MGAT5: variants seen among roughly 807,000 people sequenced by gnomAD.
MGAT5 encodes alpha-1,6-mannosylglycoprotein 6-beta-N-acetylglucosaminyltransferase.
Under a neutral mutation model 94.3 loss-of-function variants are expected in MGAT5, and 30 were observed. The observed-to-expected ratio is 0.32, with a 90% confidence interval of 0.24 to 0.43. MGAT5 has a LOEUF of 0.43. MGAT5 is among the 20% of genes least tolerant of loss of function. MGAT5 has a pLI of 1.00. For missense variants in MGAT5, 691 were observed against 905.5 expected (o/e 0.76, Z 3.04); for synonymous variants, 310 against 322.9 (o/e 0.96, Z 0.43).
At chr2:134,357,793 T>A (rs1039893848) in intron 9 of MGAT5, among the ~76,000 whole-genome samples, 5 of 151,982 alleles carry the variant, frequency 3.3e-5, no homozygotes, top group Admixed American at 6.6e-5. Flanking sequence ...TAGGCGCTCA[T>A]CTTCTCAGCT....
intron 8 of MGAT5, among the ~76,000 whole-genome samples, chr2:134,346,911 T>C (rs1688951525): frequency 6.6e-6 from 1 of 152,136 alleles, no homozygotes; most frequent in African/African-American, 2.4e-5. Context: ...AATTAGGGCA[T>C]GGCAAGGAGC....
rs79176867 is a variant in MGAT5 at position 134,156,711 on chromosome 2, G to A, written c.-143+36420G>A. Among the ~76,000 whole-genome samples, 502 of 152,256 alleles carry A rather than the reference G, an allele frequency of 3.3e-3. 1 individual carries two copies. The highest frequency in any genetic ancestry group is 0.012 in the African/African-American group (485 of 41,546). On this transcript the variant is annotated intron_variant, in intron 1 of 16. Coordinates refer to the MGAT5 transcript ENST00000409645. Reference sequence around the variant, plus strand: ...AGCTCTCAGGTTTACCAGTAGCCCCGGAACAAGTAGTCCGTTTCGAGGGCT... The same window carrying A: ...AGCTCTCAGGTTTACCAGTAGCCCCAGAACAAGTAGTCCGTTTCGAGGGCT...
intron 1 of MGAT5, among the ~76,000 whole-genome samples, chr2:134,172,344 T>C (rs16830149): frequency 0.25 from 38,547 of 151,920 alleles, 5,337 homozygotes; most frequent in African/African-American, 0.37. Context: ...ATTCTGAGCA[T>C]ATTTTATGGA....
At chr2:134,355,324 T>C (rs577007590) in intron 9 of MGAT5, among the ~76,000 whole-genome samples, 3 of 150,604 alleles carry the variant, frequency 2.0e-5, no homozygotes, top group African/African-American at 7.3e-5. Context: ...TTTCCTTTTT[T>C]CCACTTAATA....
intron 1 of MGAT5, among the ~76,000 whole-genome samples, chr2:134,265,292 A>G (rs1000040704): frequency 6.6e-6 from 1 of 152,208 alleles, no homozygotes; most frequent in South Asian, 2.1e-4. Context: ...TTCCACCAGC[A>G]GGGCCCTCCT....
chr2:134,322,473 C>T (rs1166951027), intron 4 of MGAT5, among the ~76,000 whole-genome samples: 1 of 152,158 alleles, frequency 6.6e-6, no homozygotes, highest in Non-Finnish European at 1.5e-5. Flanking sequence ...ATGTGCATTA[C>T]TTCACATACA....
chr2:134,207,092 G>A (rs2105306755), intron 1 of MGAT5, among the ~76,000 whole-genome samples: 1 of 152,274 alleles, frequency 6.6e-6, no homozygotes. Flanking sequence ...CTGTTTTCTT[G>A]ACTCTTCCAG....
intron 1 of MGAT5, among the ~76,000 whole-genome samples, chr2:134,231,761 G>A (rs1347333006): frequency 6.6e-6 from 1 of 152,158 alleles, no homozygotes; most frequent in Non-Finnish European, 1.5e-5. Context: ...AAGATCACTG[G>A]GTTTGTGGCT....
chr2:134,400,917 G>A (rs1357652787), intron 10 of MGAT5, among the ~76,000 whole-genome samples: 1 of 152,140 alleles, frequency 6.6e-6, no homozygotes, highest in African/African-American at 2.4e-5. Flanking sequence ...TCTGGGAAGA[G>A]CTGTGTTTAT....
At chr2:134,323,191 A>G (rs188216550) in intron 4 of MGAT5, among the ~76,000 whole-genome samples, 49 of 152,280 alleles carry the variant, frequency 3.2e-4, no homozygotes, top group Non-Finnish European at 2.1e-4. Context: ...AAGAAAAGCC[A>G]TCAATATTTT....
At chr2:134,306,152 G>A (rs1686314879) in intron 2 of MGAT5, among the ~76,000 whole-genome samples, 1 of 151,972 alleles carries the variant, frequency 6.6e-6, no homozygotes, top group Non-Finnish European at 1.5e-5. Flanking sequence ...TGATACCCAC[G>A]TGGAATATTT....
chr2:134,208,428 G>A (rs1680125932), intron 1 of MGAT5, among the ~76,000 whole-genome samples: 2 of 152,192 alleles, frequency 1.3e-5, no homozygotes, highest in South Asian at 4.1e-4. Context: ...TGTTTAGGAA[G>A]CTTGGTGCCC....
At chr2:134,438,431 C>T (rs1685293032) in intron 14 of MGAT5, among the ~76,000 whole-genome samples, 1 of 152,232 alleles carries the variant, frequency 6.6e-6, no homozygotes, top group Non-Finnish European at 1.5e-5. Flanking sequence ...CCCATGCCCC[C>T]ACTCAGCTCT....
chr2:134,384,650 C>T (rs1263308251), intron 10 of MGAT5, among the ~76,000 whole-genome samples: 2 of 152,134 alleles, frequency 1.3e-5, no homozygotes, highest in African/African-American at 2.4e-5. Context: ...GTTTGGTGTA[C>T]AAGCATTTAT....
rs1682806237 is a variant in MGAT5 at position 134,254,454 on chromosome 2, C to T, written c.51C>T (p.Phe17=). 2.5e-6 allele frequency: 4 copies of T among 1,614,218 alleles called. No homozygotes were observed. Among genetic ancestry groups the T allele is most frequent in the Non-Finnish European group, 3.4e-6 (4 of 1,180,032 alleles). Residue 17 remains phenylalanine, a synonymous_variant, in exon 1 of 16, where the codon TTC becomes TTT. Transcript: ENST00000281923. ...TGTCCTCTCAGAAGCTGGGCTTTTT[C>T]CTGGTGACTTTTGGCTTCATTTGGG... is the stretch of plus-strand genomic sequence containing the variant. ...WKLSSQKLGF[F]LVTFGFIWGM...
chr2:134,221,611 C>T lies in MGAT5; in HGVS notation c.-142-32651C>T, dbSNP rs1558994503. On this transcript the variant is annotated intron_variant, in intron 1 of 16. Transcript: ENST00000409645. ...TTCTCTATAGAATGTGGATTTTTCC[C>T]ACAAGAGACTTTGCAGGACGATTTC... 2.0e-5 allele frequency among the ~76,000 whole-genome samples: 3 copies of T among 152,128 alleles called. 1 individual carries two copies. In the South Asian group the frequency reaches 6.2e-4, roughly 31 times the overall value.
rs76296620 is a variant in MGAT5, at chr2:134,219,107, G to A, written c.-142-35155G>A. On this transcript the variant is annotated intron_variant, in intron 1 of 16. Coordinates refer to the MGAT5 transcript ENST00000409645. Reference sequence around the variant, plus strand: ...AGGAAGCCCAGGGAGGTGTGAGTGCGGTGGAGTGGGCTGGGAACCCAGAGG... The same window carrying A: ...AGGAAGCCCAGGGAGGTGTGAGTGCAGTGGAGTGGGCTGGGAACCCAGAGG... Among the ~76,000 whole-genome samples the A allele has an allele frequency of 4.7e-4, 72 of 152,260 alleles. No homozygotes were observed. The East Asian group carries it at 0.011, about 23-fold the overall frequency.
chr2:134,441,933 G>A lies in MGAT5; in HGVS notation c.2027+18G>A, dbSNP rs1459991845. ...ATGCTGAAGTAAGTGCCCTGGGGTG[G>A]GGGTGGGGACTCAGCCCCTAGACTC... is the stretch of plus-strand genomic sequence containing the variant. On this transcript the variant is annotated intron_variant, in intron 15 of 15. Coordinates refer to ENST00000281923, the MANE Select transcript of MGAT5 (RefSeq NM_002410.5). 6.8e-6 allele frequency: 11 copies of A among 1,608,772 alleles called. No homozygotes were observed. The highest frequency in any genetic ancestry group is 1.1e-5 in the South Asian group (1 of 90,790).
chr2:134,215,827 A>G (rs181454295), intron 1 of MGAT5, among the ~76,000 whole-genome samples: 1 of 152,354 alleles, frequency 6.6e-6, no homozygotes, highest in Admixed American at 6.5e-5. Context: ...TTGTACCAGC[A>G]GTGCATGAGA....
Sources: allele counts gnomAD v4.1 joint callset (sites outside exome capture counted in the v4.1 genomes callset), GRCh38; gene constraint gnomAD v4.1.1; transcripts MANE v1.5; gene names NCBI Gene and HGNC (gene_info 2026-07-23, HGNC 2026-07-21).